Variants in SP140 observed in about 807,000 individuals in gnomAD.
SP140 encodes SP140 nuclear body protein.
Under a neutral mutation model 125.0 loss-of-function variants are expected in SP140, and 81 were observed. The observed-to-expected ratio is 0.65, with a 90% confidence interval of 0.54 to 0.78. The LOEUF (loss-of-function observed/expected upper bound fraction) is 0.78, where lower values mean the gene tolerates loss of function less well. Ranked by LOEUF, SP140 falls within the 30% of genes least tolerant of loss-of-function variation. The pLI, the probability that SP140 is intolerant of heterozygous loss-of-function variation, is 0.00. For synonymous variants in SP140, 312 were observed against 354.0 expected, an observed-to-expected ratio of 0.88 and a Z score of 1.33; for missense variants, 858 against 1,037.0, an observed-to-expected ratio of 0.83 and a Z score of 2.37.
intron 1 of SP140, among the ~76,000 whole-genome samples, chr2:230,227,590 T>C (rs2046640296): frequency 6.6e-6 from 1 of 152,246 alleles, no homozygotes; most frequent in Non-Finnish European, 1.5e-5. Flanking sequence ...CTATTAATTA[T>C]CGATTCAAAT....
intron 12 of SP140, among the ~76,000 whole-genome samples, chr2:230,268,197 C>A (rs1455617691): frequency 4.6e-5 from 7 of 152,094 alleles, no homozygotes. Flanking sequence ...AGGCATAAGC[C>A]ACCATGCCTG....
At chr2:230,227,170 G>T (rs991090715) in intron 1 of SP140, among the ~76,000 whole-genome samples, 8 of 152,218 alleles carry the variant, frequency 5.3e-5, no homozygotes, top group Admixed American at 4.6e-4. Context: ...ATGGAAACTT[G>T]TCTAATTGGG....
upstream of SP140, chr2:230,221,787 A>C: frequency 7.0e-7 from 1 of 1,428,038 alleles, no homozygotes; most frequent in Non-Finnish European, 9.5e-7. Context: ...CTTTAGATCT[A>C]TTCAGAGATA....
chr2:230,315,618 A>G (rs1253070120), downstream of SP140, among the ~76,000 whole-genome samples: 1 of 152,104 alleles, frequency 6.6e-6, no homozygotes, highest in Non-Finnish European at 1.5e-5. Context: ...TTCCTAAACT[A>G]TGAAATAACA....
chr2:230,199,145 ATTATTTTTTTTT>A (rs2043012920), upstream of SP140, among the ~76,000 whole-genome samples: 1 of 121,680 alleles, frequency 8.2e-6, no homozygotes, highest in South Asian at 2.7e-4. Context: ...TATTATTATT[ATTATTTTTTTTT>A]TTTTTTAGTG....
At chr2:230,221,337 A>G (rs191219077), upstream of SP140, among the ~76,000 whole-genome samples, 109 of 152,256 alleles carry the variant, frequency 7.2e-4, no homozygotes, top group African/African-American at 2.5e-3. Context: ...TAATTCTCAA[A>G]TGTATTTGAC....
chr2:230,218,321 A>AT (rs997848082), intron 3 of SP140, among the ~76,000 whole-genome samples: 2 of 152,162 alleles, frequency 1.3e-5, no homozygotes, highest in African/African-American at 2.4e-5. Context: ...TCATTCCCCA[A>AT]TTTTTTTAAC....
At chr2:230,242,809 G>A (rs904950879) in intron 4 of SP140, among the ~76,000 whole-genome samples, 1 of 152,058 alleles carries the variant, frequency 6.6e-6, no homozygotes, top group Non-Finnish European at 1.5e-5. Context: ...CCCCTGGCCT[G>A]TCCATCTTTG....
chr2:230,311,884 A>T (rs773984878), intron 26 of SP140, among the ~76,000 whole-genome samples: 1 of 152,236 alleles, frequency 6.6e-6, no homozygotes, highest in Non-Finnish European at 1.5e-5. Flanking sequence ...GCTGCAGCAT[A>T]TAAAGAGGAG....
intron 12 of SP140, among the ~76,000 whole-genome samples, chr2:230,264,701 ATGT>A (rs2052783863): frequency 6.6e-6 from 1 of 152,046 alleles, no homozygotes; most frequent in Non-Finnish European, 1.5e-5. Context: ...TTTTCTATGG[ATGT>A]GGCTTCCTGT....
At chr2:230,197,978 T>A in the SP140 span, among the ~76,000 whole-genome samples, 1 of 152,300 alleles carries the variant, frequency 6.6e-6, no homozygotes, top group South Asian at 2.1e-4. Flanking sequence ...ACACTGAAGA[T>A]TTTATTAGGA....
chr2:230,264,815 G>A (rs2052806890), intron 12 of SP140, among the ~76,000 whole-genome samples: 1 of 152,222 alleles, frequency 6.6e-6, no homozygotes, highest in Non-Finnish European at 1.5e-5. Flanking sequence ...ACAGAGTCCT[G>A]TGATGTGAAC....
At chr2:230,278,260 A>G (rs573497928) in intron 15 of SP140, among the ~76,000 whole-genome samples, 1 of 152,152 alleles carries the variant, frequency 6.6e-6, no homozygotes, top group Non-Finnish European at 1.5e-5. Context: ...TTTATAATCC[A>G]TTGGCCATTA....
chr2:230,309,775 C>T (rs1478559603), intron 22 of SP140, 149 bp from the exon 23 acceptor site: 3 of 723,016 alleles, frequency 4.1e-6, no homozygotes, highest in East Asian at 5.3e-5. Flanking sequence ...TCTGAAATCT[C>T]CATGCCATGT....
intron 1 of SP140, chr2:230,209,927 T>C: frequency 1.3e-6 from 2 of 1,573,072 alleles, no homozygotes; most frequent in African/African-American, 2.7e-5. Flanking sequence ...AAGGCTTTTC[T>C]TACCTTTCTT....
chr2:230,244,184 C>T (rs2049097510), intron 5 of SP140, among the ~76,000 whole-genome samples: 1 of 152,098 alleles, frequency 6.6e-6, no homozygotes, highest in Admixed American at 6.5e-5. Context: ...TAATTTTTGC[C>T]AAATATTTTC....
intron 3 of SP140, chr2:230,215,035 G>T (rs754278979): frequency 1.2e-6 from 2 of 1,613,608 alleles, no homozygotes; most frequent in Non-Finnish European, 1.7e-6. Flanking sequence ...GAAGAGACAG[G>T]TTAAAAGTCC....
intron 15 of SP140, among the ~76,000 whole-genome samples, chr2:230,272,507 A>G (rs151059592): frequency 1.6e-4 from 24 of 152,240 alleles, no homozygotes; most frequent in African/African-American, 5.8e-4. Flanking sequence ...ATAGTTTTAT[A>G]AGGGGGAGTT....
intron 1 of SP140, among the ~76,000 whole-genome samples, chr2:230,205,665 GGAATAAATGTCT>G (rs1187875060): frequency 1.3e-5 from 2 of 152,094 alleles, no homozygotes; most frequent in African/African-American, 4.8e-5. Flanking sequence ...CATATTTGTT[GGAATAAATGTCT>G]GAATGGTACT....
Sources: gnomAD v4.1 joint callset for allele counts (sites outside exome capture counted in the v4.1 genomes callset) on GRCh38, gnomAD v4.1.1 for gene constraint, MANE v1.5 for transcripts, NCBI Gene and HGNC (gene_info 2026-07-23, HGNC 2026-07-21) for gene names.